SYNPR: variants seen among roughly 807,000 people sequenced by gnomAD.
SYNPR encodes synaptoporin.
SYNPR carries 23 observed loss-of-function variants against 32.9 expected under a neutral mutation model. That is an observed-to-expected ratio of 0.70 (90% CI 0.50 to 0.99). The LOEUF (loss-of-function observed/expected upper bound fraction) is 0.99, where lower values mean the gene tolerates loss of function less well. Among genes scored for constraint, SYNPR ranks in the 50% least tolerant of loss-of-function variants. The pLI, the probability that SYNPR is intolerant of heterozygous loss-of-function variation, is 0.00. For missense variants in SYNPR, 318 were observed against 349.3 expected (o/e 0.91, Z 0.71); for synonymous variants, 146 against 135.9 (o/e 1.07, Z -0.52).
In SYNPR at chr3:63,586,608, G is replaced by A. The variant is rs539799573; in HGVS notation, c.409-22517G>A. On this transcript the variant is annotated intron_variant, in intron 4 of 5. Transcript: ENST00000478300. ...AGGCCTAATGATTTTTCCTTTAAGC[G>A]TCTCTACCAAATGTAAAATGTCTTC... 2.1e-3 allele frequency among the ~76,000 whole-genome samples: 315 copies of A among 151,152 alleles called. 4 individuals carry two copies. The highest frequency in any genetic ancestry group is 9.6e-3 in the South Asian group (46 of 4,776).
Position 63,368,523 on chromosome 3 carries a change from T to C in SYNPR, c.84+89781T>C, listed in dbSNP as rs114876146. On this transcript the variant is annotated intron_variant, in intron 2 of 5. Coordinates refer to ENST00000478300, the MANE Select transcript of SYNPR (RefSeq NM_001130003.2). ...GGGTCACTTGTGAAAAAGGCGATGA[T>C]TGAGTTACTTAAAGGGACAAGATTT... is the stretch of plus-strand genomic sequence containing the variant. 2.8e-3 allele frequency among the ~76,000 whole-genome samples: 420 copies of C among 152,182 alleles called. 1 individual carries two copies. The highest frequency in any genetic ancestry group is 4.8e-3 in the Non-Finnish European group (324 of 68,004).
In SYNPR at chr3:63,556,730, G is replaced by A; in HGVS notation, c.397G>A (p.Gly133Ser). Residue 133 changes from glycine to serine, a missense_variant, in exon 4 of 6, where the codon GGC (glycine) becomes AGC (serine). Gly to Ser is a moderately conservative substitution (Grantham distance 56, BLOSUM62 0). Coordinates refer to ENST00000478300, the MANE Select transcript of SYNPR (RefSeq NM_001130003.2). Reference sequence around the variant, plus strand: ...GAACAAATACCGGGAAAACAACCGGGGCCCACTCATTGTAAGTGGTTTTCT... The same window carrying A: ...GAACAAATACCGGGAAAACAACCGGAGCCCACTCATTGTAAGTGGTTTTCT... The part of the protein sequence containing the change: ...FQNKYRENNR[G>S]PLIDFIVTVV... 2.5e-6 allele frequency: 4 copies of A among 1,611,542 alleles called. No homozygotes were observed. The highest frequency in any genetic ancestry group is 3.4e-6 in the Non-Finnish European group (4 of 1,179,040).
At chr3:63,392,241 G>A (rs17068442) in intron 2 of SYNPR, among the ~76,000 whole-genome samples, 2,673 of 152,178 alleles carry the variant, frequency 0.018, 64 homozygotes, top group African/African-American at 0.061. Context: ...CTAATTCCAG[G>A]CAGTAAGAGT....
intron 1 of SYNPR, among the ~76,000 whole-genome samples, chr3:63,237,193 G>T: frequency 6.6e-6 from 1 of 151,766 alleles, no homozygotes. Context: ...TATATACAGG[G>T]TATTTTGTTC....
intron 4 of SYNPR, among the ~76,000 whole-genome samples, chr3:63,608,241 C>G (rs765642398): frequency 7.2e-5 from 11 of 152,066 alleles, no homozygotes; most frequent in Non-Finnish European, 1.2e-4. Context: ...CTCTACAATA[C>G]TCATCCTGTT....
intron 4 of SYNPR, among the ~76,000 whole-genome samples, chr3:63,607,374 A>T (rs1276304142): frequency 6.6e-6 from 1 of 152,214 alleles, no homozygotes; most frequent in African/African-American, 2.4e-5. Context: ...ATTTATTTGT[A>T]ACTATTCCTC....
chr3:63,451,100 T>G (rs1700373352), intron 2 of SYNPR, among the ~76,000 whole-genome samples: 1 of 152,126 alleles, frequency 6.6e-6, no homozygotes, highest in Non-Finnish European at 1.5e-5. Flanking sequence ...AAAATGGAAA[T>G]AATGAGTACC....
At chr3:63,211,708 CTT>C in the SYNPR span, among the ~76,000 whole-genome samples, 2,240 of 146,890 alleles carry the variant, frequency 0.015, 57 homozygotes, top group African/African-American at 0.053. Context: ...TTGAATCTTT[CTT>C]TTTTTTTTTT....
At chr3:63,560,883 TTTGGG>T (rs1446367989) in intron 4 of SYNPR, among the ~76,000 whole-genome samples, 1 of 152,174 alleles carries the variant, frequency 6.6e-6, no homozygotes, top group African/African-American at 2.4e-5. Context: ...CAAGATGAGA[TTTGGG>T]TGGGGACACA....
At chr3:63,288,597 A>G (rs1265278308) in intron 2 of SYNPR, among the ~76,000 whole-genome samples, 1 of 152,180 alleles carries the variant, frequency 6.6e-6, no homozygotes, top group East Asian at 1.9e-4. Context: ...TTTTTAAGAG[A>G]AATGATTAGG....
chr3:63,225,221 G>A (rs189062967), upstream of SYNPR, among the ~76,000 whole-genome samples: 34 of 152,318 alleles, frequency 2.2e-4, no homozygotes, highest in Admixed American at 1.8e-3. Flanking sequence ...TATTGACACA[G>A]CATCAATAAG....
chr3:63,551,235 T>C (rs141695293), intron 3 of SYNPR, among the ~76,000 whole-genome samples: 132 of 152,320 alleles, frequency 8.7e-4, no homozygotes, highest in African/African-American at 2.9e-3. Context: ...ATCCATATTG[T>C]AGCATGTATC....
intron 2 of SYNPR, among the ~76,000 whole-genome samples, chr3:63,474,444 G>C (rs1305119811): frequency 6.6e-6 from 1 of 152,160 alleles, no homozygotes; most frequent in Non-Finnish European, 1.5e-5. Context: ...TAATTGAGTG[G>C]ATGAATGAGT....
chr3:63,439,039 C>A (rs548521106), intron 2 of SYNPR, among the ~76,000 whole-genome samples: 1 of 152,154 alleles, frequency 6.6e-6, no homozygotes, highest in South Asian at 2.1e-4. Context: ...TTTTGAGAGG[C>A]CAGATGTTTA....
At chr3:63,560,496 A>C (rs187747971) in intron 4 of SYNPR, among the ~76,000 whole-genome samples, 1 of 152,336 alleles carries the variant, frequency 6.6e-6, no homozygotes, top group East Asian at 1.9e-4. Context: ...GCATTTGTTC[A>C]AGTGTTCACA....
chr3:63,326,523 A>G (rs1434023001), intron 2 of SYNPR, among the ~76,000 whole-genome samples: 1 of 152,186 alleles, frequency 6.6e-6, no homozygotes, highest in Non-Finnish European at 1.5e-5. Context: ...TGCAATGGGC[A>G]TCACCATTCC....
chr3:63,289,821 T>C (rs1366111856), intron 2 of SYNPR, among the ~76,000 whole-genome samples: 4 of 152,182 alleles, frequency 2.6e-5, no homozygotes, highest in African/African-American at 9.7e-5. Context: ...CATGTTACTT[T>C]CAAAAGACTA....
chr3:63,210,438 T>C, the SYNPR span, among the ~76,000 whole-genome samples: 25 of 152,246 alleles, frequency 1.6e-4, no homozygotes, highest in African/African-American at 5.5e-4. Flanking sequence ...CACAGGACTC[T>C]CCTTTTTGAT....
At chr3:63,341,832 T>C (rs1052174463) in intron 2 of SYNPR, among the ~76,000 whole-genome samples, 3 of 152,192 alleles carry the variant, frequency 2.0e-5, no homozygotes, top group African/African-American at 7.2e-5. Flanking sequence ...ACAAAGCAGA[T>C]GTTTTTTAAT....
Sources: allele counts gnomAD v4.1 joint callset (sites outside exome capture counted in the v4.1 genomes callset), GRCh38; gene constraint gnomAD v4.1.1; transcripts MANE v1.5; gene names NCBI Gene and HGNC (gene_info 2026-07-23, HGNC 2026-07-21).